PCGF2: variants seen among roughly 807,000 people sequenced by gnomAD.
PCGF2 encodes polycomb group RING finger protein 2.
In PCGF2, 8 loss-of-function variants were observed where a neutral mutation model predicts 36.1. The ratio of observed to expected loss-of-function variants is 0.22; its 90% CI spans 0.13 to 0.40. The LOEUF (loss-of-function observed/expected upper bound fraction) is 0.40. PCGF2 is among the 10% of genes least tolerant of loss of function. The pLI, the probability that PCGF2 is intolerant of heterozygous loss-of-function variation, is 1.00. For synonymous variants in PCGF2, 198 were observed against 191.2 expected (o/e 1.04, Z -0.29); for missense variants, 436 against 475.9 (o/e 0.92, Z 0.78).
chr17:38,744,577 A>G (rs188961985), intron 2 of PCGF2, among the ~76,000 whole-genome samples: 1 of 152,220 alleles, frequency 6.6e-6, no homozygotes, highest in Admixed American at 6.5e-5. Context: ...GCTGGTTTCC[A>G]ACTCCTGGCC....
chr17:38,746,463 C>T (rs1907542679), intron 2 of PCGF2: 1 of 152,490 alleles, frequency 6.6e-6, no homozygotes, highest in Non-Finnish European at 1.5e-5. Flanking sequence ...CAAACACACA[C>T]TAACCTTTTG....
chr17:38,740,753 T>C (rs1397398137), intron 2 of PCGF2, among the ~76,000 whole-genome samples: 13 of 151,744 alleles, frequency 8.6e-5, no homozygotes, highest in Admixed American at 8.5e-4. Flanking sequence ...AGTGAGAGTC[T>C]GTCTCAAAAA....
At chr17:38,744,452 T>A (rs755622761) in intron 2 of PCGF2, among the ~76,000 whole-genome samples, 1 of 152,132 alleles carries the variant, frequency 6.6e-6, no homozygotes, top group Non-Finnish European at 1.5e-5. Context: ...GCCTCCTGGA[T>A]TGAAGCGATT....
At chr17:38,742,071 G>T (rs1431821843) in intron 2 of PCGF2, among the ~76,000 whole-genome samples, 5 of 152,202 alleles carry the variant, frequency 3.3e-5, no homozygotes, top group African/African-American at 9.7e-5. Flanking sequence ...TCCCCAGACC[G>T]CCTGCTCGAC....
At chr17:38,747,332 G>A (rs1457871218) in intron 2 of PCGF2, among the ~76,000 whole-genome samples, 2 of 152,150 alleles carry the variant, frequency 1.3e-5, no homozygotes, top group Non-Finnish European at 2.9e-5. Flanking sequence ...CCCAGGGGAA[G>A]GGGGGCCAGT....
At position 38,738,868 on chromosome 17, in the gene PCGF2, A is replaced by T; in HGVS notation, c.317-7T>A. 1 of 1,611,236 alleles carries T rather than the reference A, an allele frequency of 6.2e-7. No homozygotes were observed. The highest frequency in any genetic ancestry group is 1.1e-5 in the South Asian group (1 of 91,020). On this transcript the variant is annotated splice_polypyrimidine_tract_variant and splice_region_variant and intron_variant, in intron 6 of 10. Transcript: ENST00000620225. Reference sequence around the variant, plus strand: ...TCATTGGAGCCGTTGGGGACTGCAGAAGGAAAGAGCTCTCGGGTTGGCGGA... The same window carrying T: ...TCATTGGAGCCGTTGGGGACTGCAGTAGGAAAGAGCTCTCGGGTTGGCGGA...
At position 38,735,201 on chromosome 17, in the gene PCGF2, A is replaced by C; in HGVS notation, c.*22T>G. 7.2e-7 allele frequency: 1 copy of C among 1,382,352 alleles called. No homozygotes were observed. The highest frequency in any genetic ancestry group is 9.5e-7 in the Non-Finnish European group (1 of 1,057,920). The allele number at this position is 1,382,352 out of a possible 1,614,324, so 85.6% of individuals were successfully genotyped here. ...GAAGGAGTGGAGAGGCTTGGCTGGAAGAAGGGAGAGGGTCCCTGGCCTCAA... is the reference window on the plus strand; with the variant it reads ...GAAGGAGTGGAGAGGCTTGGCTGGACGAAGGGAGAGGGTCCCTGGCCTCAA... On this transcript the variant is annotated 3_prime_UTR_variant, in exon 11 of 11. Coordinates refer to ENST00000620225, the MANE Select transcript of PCGF2 (RefSeq NM_007144.3).
chr17:38,737,779 G>C (rs1906877703), intron 9 of PCGF2, among the ~76,000 whole-genome samples: 1 of 151,972 alleles, frequency 6.6e-6, no homozygotes, highest in African/African-American at 2.4e-5. Context: ...AGGTGTGGTG[G>C]CAGGCGCCTG....
At chr17:38,736,608 G>A (rs979176613) in intron 9 of PCGF2, among the ~76,000 whole-genome samples, 6 of 151,770 alleles carry the variant, frequency 4.0e-5, no homozygotes, top group Non-Finnish European at 8.8e-5. Context: ...GCCAAGGCGG[G>A]CGGATCACAA....
chr17:38,735,305 AAG>A lies in PCGF2; in HGVS notation c.951_952del (p.Leu318GlufsTer70). On this transcript the variant is annotated frameshift_variant, in exon 11 of 11. Coordinates refer to ENST00000620225, the MANE Select transcript of PCGF2 (RefSeq NM_007144.3). LOFTEE classifies it high-confidence loss of function. ...GGAGGATGGTGTCTGCAGGCAGTTC[AAG>A]CTACCCCCGTTGGCAGCTGTGGTGG... 1.3e-6 allele frequency: 2 copies of A among 1,522,518 alleles called. No individual in the cohort carries two copies. The highest frequency in any genetic ancestry group is 2.6e-5 in the South Asian group (2 of 77,924). The allele number at this position is 1,522,518 out of a possible 1,614,324, so 94.3% of individuals were successfully genotyped here.
At position 38,739,833 on chromosome 17, in the gene PCGF2, G is replaced by A; in HGVS notation, c.113-151C>T. ...GTGGCGATGTGTGTTCTGCACGTGT[G>A]GTACCTGTCCTTGTGCACTGTTGAG... On this transcript the variant is annotated intron_variant, in intron 3 of 10. Coordinates refer to ENST00000620225, the MANE Select transcript of PCGF2 (RefSeq NM_007144.3). This position sits in a 1 kb window ranked among gnomAD's most constrained non-coding sequence, Gnocchi z 4.0. 1.5e-6 allele frequency: 1 copy of A among 676,126 alleles called. No homozygotes were observed. The highest frequency in any genetic ancestry group is 2.7e-6 in the Non-Finnish European group (1 of 369,480). 41.9% of individuals were successfully genotyped at this position (676,126 alleles called of 1,614,324 possible). A position where few individuals can be genotyped will look rare whatever the true frequency, so the allele number is the denominator to read the frequency against.
chr17:38,736,756 C>T (rs1906782506), intron 9 of PCGF2, among the ~76,000 whole-genome samples: 3 of 151,820 alleles, frequency 2.0e-5, no homozygotes, highest in Admixed American at 1.3e-4. Flanking sequence ...ATGGCGTGAA[C>T]CCGGGAGGCG....
chr17:38,739,515 C>T lies in PCGF2; in HGVS notation c.209+71G>A, dbSNP rs560499780. On this transcript the variant is annotated intron_variant, in intron 4 of 10. Transcript: ENST00000620225. This position sits in a 1 kb window ranked among gnomAD's most constrained non-coding sequence, Gnocchi z 4.0. ...CCTGCCGCCTTGGCTGAAGGAAGCA[C>T]GGAGCGTGGGAGGGATGGGGGAGGC... 5.7e-4 allele frequency: 704 copies of T among 1,239,400 alleles called. 3 individuals carry two copies. The Middle Eastern group carries it at 9.6e-3, about 17-fold the overall frequency. 76.8% of individuals were successfully genotyped at this position (1,239,400 alleles called of 1,614,324 possible).
Position 38,738,833 on chromosome 17 carries a change from G to A in PCGF2, c.345C>T (p.Gly115=), listed in dbSNP as rs149443522. ...EVPNGSNEDR[G]EVLEQEKGAL... is the part of the protein sequence containing the mutation. ...CCCCCTTCTCCTGCTCCAAGACCTC[G>A]CCGCGGTCCTCATTGGAGCCGTTGG... The change falls in exon 7 of 11, where the codon GGC becomes GGT. Residue 115 remains glycine (G), a synonymous_variant. Transcript: ENST00000620225. 1.5e-5 allele frequency: 24 copies of A among 1,613,946 alleles called. No homozygotes were observed. Among genetic ancestry groups the A allele is most frequent in the South Asian group, 9.9e-5 (9 of 91,072 alleles).
At chr17:38,748,866 A>G (rs944301780), upstream of PCGF2, among the ~76,000 whole-genome samples, 2 of 151,972 alleles carry the variant, frequency 1.3e-5, no homozygotes, top group African/African-American at 4.8e-5. Context: ...AAAATTAATA[A>G]CTGCATCTGG....
Position 38,738,871 on chromosome 17 carries a change from G to T in PCGF2, c.317-10C>A. ...TTGGAGCCGTTGGGGACTGCAGAAG[G>T]AAAGAGCTCTCGGGTTGGCGGAGGA... is the stretch of plus-strand genomic sequence containing the variant. On this transcript the variant is annotated splice_polypyrimidine_tract_variant and intron_variant, in intron 6 of 10. Transcript: ENST00000620225. 2 of 1,610,560 alleles carry T rather than the reference G, an allele frequency of 1.2e-6. No homozygotes were observed. Among genetic ancestry groups the T allele is most frequent in the African/African-American group, 1.3e-5 (1 of 74,940 alleles).
At position 38,735,369 on chromosome 17, in the gene PCGF2, G is replaced by T. The variant is rs1003229373; in HGVS notation, c.889C>A (p.Pro297Thr). The change falls in exon 11 of 11, where the codon CCT (proline) becomes ACT (threonine). Residue 297 changes from proline (P) to threonine (T), a missense_variant. This residue lies in a region of PCGF2 where 227 missense variants were observed against 212.9 expected (regional missense o/e 1.07). Coordinates refer to ENST00000620225, the MANE Select transcript of PCGF2 (RefSeq NM_007144.3). ...GTCGAAGGGGGAGTGGGGGAGGTAGGGTGGGTGGCTGGAGGCCCATGGGAA... is the reference window on the plus strand; with the variant it reads ...GTCGAAGGGGGAGTGGGGGAGGTAGTGTGGGTGGCTGGAGGCCCATGGGAA... ...PSSHGPPATH[P>T]TSPTPPSTAS... 30 of 1,563,918 alleles carry T rather than the reference G, an allele frequency of 1.9e-5. No individual in the cohort carries two copies. The highest frequency in any genetic ancestry group is 2.3e-5 in the Non-Finnish European group (27 of 1,152,938).
At chr17:38,736,781 C>T (rs1204972555) in intron 9 of PCGF2, among the ~76,000 whole-genome samples, 1 of 151,790 alleles carries the variant, frequency 6.6e-6, no homozygotes, top group Non-Finnish European at 1.5e-5. Flanking sequence ...TTGCAGTGAG[C>T]GGAGATAGTG....
At chr17:38,737,910 CAAA>C (rs57011839) in intron 9 of PCGF2, among the ~76,000 whole-genome samples, 12 of 89,266 alleles carry the variant, frequency 1.3e-4, no homozygotes, top group South Asian at 8.2e-4. Context: ...GACTCCATCT[CAAA>C]AAAAAAAAAA....
Sources: allele counts gnomAD v4.1 joint callset (sites outside exome capture counted in the v4.1 genomes callset), GRCh38; gene constraint gnomAD v4.1.1; regional missense constraint gnomAD v4.1.1; non-coding constraint Gnocchi (gnomAD v3.1); transcripts MANE v1.5; gene names NCBI Gene and HGNC (gene_info 2026-07-23, HGNC 2026-07-21).